EPS15: variants seen among roughly 807,000 people sequenced by gnomAD.
EPS15 encodes the protein epidermal growth factor receptor substrate 15.
In EPS15, 72 loss-of-function variants were observed where a neutral mutation model predicts 113.8. That is an observed-to-expected ratio of 0.63 (90% CI 0.52 to 0.77). EPS15 has a LOEUF of 0.77. Ranked by LOEUF, EPS15 falls within the 30% of genes least tolerant of loss-of-function variation. The probability of loss-of-function intolerance (pLI) is 0.00; values close to 1 mark genes in which losing one functional copy is unlikely to be tolerated. For missense variants in EPS15, 1,048 were observed against 1,045.8 expected (o/e 1.00, Z -0.03); for synonymous variants, 344 against 363.4 (o/e 0.95, Z 0.61).
At chr1:51,484,881 T>C (rs1644091919) in intron 1 of EPS15, among the ~76,000 whole-genome samples, 1 of 152,194 alleles carries the variant, frequency 6.6e-6, no homozygotes, top group Admixed American at 6.5e-5. Flanking sequence ...TGGGTGCAAA[T>C]GAAGTATGTG....
intron 22 of EPS15, among the ~76,000 whole-genome samples, chr1:51,365,509 G>A (rs1646489778): frequency 6.6e-6 from 1 of 152,160 alleles, no homozygotes; most frequent in Non-Finnish European, 1.5e-5. Flanking sequence ...GTAAATAGTG[G>A]ACATTTAGTA....
At chr1:51,416,476 C>T (rs1047157240) in intron 13 of EPS15, among the ~76,000 whole-genome samples, 2 of 152,152 alleles carry the variant, frequency 1.3e-5, no homozygotes, top group Admixed American at 1.3e-4. Flanking sequence ...TCCGAGGTTA[C>T]TCATCTAGAA....
At chr1:51,374,251 C>CA (rs1408674704) in intron 21 of EPS15, among the ~76,000 whole-genome samples, 2 of 152,020 alleles carry the variant, frequency 1.3e-5, no homozygotes, top group African/African-American at 2.4e-5. Context: ...ATATTCCACA[C>CA]AAAAAAATTT....
At chr1:51,400,993 T>C in intron 18 of EPS15, 40 bp from the exon 19 acceptor site, 9 of 1,377,156 alleles carry the variant, frequency 6.5e-6, no homozygotes, top group Non-Finnish European at 9.1e-6. Context: ...AATAACAATA[T>C]TTACTGTGGT....
chr1:51,369,016 C>T (rs1489162052), intron 21 of EPS15, among the ~76,000 whole-genome samples: 1 of 146,924 alleles, frequency 6.8e-6, no homozygotes, highest in Non-Finnish European at 1.5e-5. Flanking sequence ...TGAAAATTTG[C>T]TTCATGCCTT....
chr1:51,518,281 A>G (rs537019397), intron 1 of EPS15: 101 of 152,572 alleles, frequency 6.6e-4, no homozygotes, highest in African/African-American at 2.3e-3. Context: ...TGAGAAGCAC[A>G]AGGACTGGAC....
At chr1:51,516,700 C>T (rs1450223850) in intron 1 of EPS15, among the ~76,000 whole-genome samples, 4 of 152,154 alleles carry the variant, frequency 2.6e-5, no homozygotes, top group Non-Finnish European at 4.4e-5. Context: ...AATCCCAGTA[C>T]AATGTCTAGT....
At chr1:51,512,369 T>C (rs1176946626) in intron 1 of EPS15, among the ~76,000 whole-genome samples, 2 of 152,244 alleles carry the variant, frequency 1.3e-5, no homozygotes, top group African/African-American at 2.4e-5. Flanking sequence ...CTTGCAGTTA[T>C]ATTAGTCTGC....
intron 1 of EPS15, among the ~76,000 whole-genome samples, chr1:51,518,930 AGCGGCGCGGAGG>A (rs1190028171): frequency 1.3e-5 from 2 of 151,342 alleles, no homozygotes; most frequent in South Asian, 2.1e-4. Flanking sequence ...TCCACTCGGC[AGCGGCGCGGAGG>A]GCGGCGAGGG....
intron 1 of EPS15, among the ~76,000 whole-genome samples, chr1:51,496,807 G>A (rs996196213): frequency 1.3e-5 from 2 of 152,110 alleles, no homozygotes; most frequent in Admixed American, 6.5e-5. Context: ...AACAGTCACT[G>A]GATAACATAT....
intron 12 of EPS15, among the ~76,000 whole-genome samples, chr1:51,433,441 A>C (rs1651896748): frequency 6.6e-6 from 1 of 152,268 alleles, no homozygotes; most frequent in Non-Finnish European, 1.5e-5. Context: ...CATGTCAGGC[A>C]ATCTGGAAAT....
At chr1:51,457,561 T>G (rs1320045993) in intron 8 of EPS15, 5 of 149,954 alleles carry the variant, frequency 3.3e-5, no homozygotes, top group Admixed American at 6.6e-5. Context: ...TTATCCTATC[T>G]TGGGGATGGG....
intron 8 of EPS15, among the ~76,000 whole-genome samples, chr1:51,450,150 T>C (rs946961672): frequency 6.6e-6 from 1 of 151,610 alleles, no homozygotes; most frequent in East Asian, 1.9e-4. Context: ...TGGTGAAGGA[T>C]TGGGCACAAC....
At chr1:51,517,788 A>T (rs1644751651) in intron 1 of EPS15, among the ~76,000 whole-genome samples, 1 of 152,230 alleles carries the variant, frequency 6.6e-6, no homozygotes, top group African/African-American at 2.4e-5. Flanking sequence ...ACTGGGAAAT[A>T]GACTTTCCTT....
intron 21 of EPS15, among the ~76,000 whole-genome samples, chr1:51,376,313 T>G (rs1255274254): frequency 6.6e-6 from 1 of 152,244 alleles, no homozygotes; most frequent in Non-Finnish European, 1.5e-5. Context: ...CATGTTTTAC[T>G]GAATATTTTA....
intron 1 of EPS15, among the ~76,000 whole-genome samples, chr1:51,518,725 C>T (rs950640931): frequency 3.9e-5 from 6 of 152,108 alleles, no homozygotes; most frequent in African/African-American, 1.4e-4. Context: ...CTCTGGAAGG[C>T]AACTCCTACT....
intron 18 of EPS15, 94 bp downstream of exon 18, chr1:51,402,341 T>C (rs1303462226): frequency 5.0e-6 from 3 of 605,254 alleles, no homozygotes; most frequent in Non-Finnish European, 8.4e-6. Context: ...ACTGAGTTGG[T>C]AGGCTATTGA....
At chr1:51,518,769 C>T (rs1383683117) in intron 1 of EPS15, among the ~76,000 whole-genome samples, 1 of 151,884 alleles carries the variant, frequency 6.6e-6, no homozygotes, top group African/African-American at 2.4e-5. Context: ...GCGGGCGAGC[C>T]TCGTGCGGCC....
chr1:51,371,008 C>T (rs566335921), intron 21 of EPS15, among the ~76,000 whole-genome samples: 5 of 152,088 alleles, frequency 3.3e-5, no homozygotes, highest in East Asian at 3.9e-4. Flanking sequence ...TTCCACCTCC[C>T]GGGTTAAAGC....
Sources: allele counts gnomAD v4.1 joint callset (sites outside exome capture counted in the v4.1 genomes callset), GRCh38; gene constraint gnomAD v4.1.1; transcripts MANE v1.5; gene names NCBI Gene and HGNC (gene_info 2026-07-23, HGNC 2026-07-21).